Variants in RNLS observed in about 807,000 individuals in gnomAD.
The protein encoded by RNLS is renalase.
In RNLS, 39 loss-of-function variants were observed where a neutral mutation model predicts 39.8. The observed-to-expected ratio is 0.98, with a 90% CI of 0.76 to 1.28. The LOEUF is 1.28. Ranked by LOEUF, RNLS falls within the 50% of genes most tolerant of loss-of-function variation. RNLS has a pLI of 0.00. For missense variants in RNLS, 410 were observed against 413.3 expected (o/e 0.99, Z 0.07); for synonymous variants, 147 against 150.7 (o/e 0.98, Z 0.18).
At chr10:88,396,209 T>G (rs1485831272) in intron 4 of RNLS, among the ~76,000 whole-genome samples, 1 of 152,050 alleles carries the variant, frequency 6.6e-6, no homozygotes, top group East Asian at 1.9e-4. Flanking sequence ...ACAAATTTCT[T>G]TCTGTTTGTA....
At chr10:88,369,026 GCAAA>G (rs1413298727) in intron 4 of RNLS, among the ~76,000 whole-genome samples, 1 of 151,908 alleles carries the variant, frequency 6.6e-6, no homozygotes, top group Non-Finnish European at 1.5e-5. Flanking sequence ...TTTCTCTTTT[GCAAA>G]CAGTCTGTTC....
At chr10:88,200,991 C>CT in the RNLS span, among the ~76,000 whole-genome samples, 86,912 of 147,388 alleles carry the variant, frequency 0.59, 25,306 homozygotes, top group East Asian at 0.64. Flanking sequence ...AAAATGAATC[C>CT]TTTTTTTTTT....
chr10:88,482,487 A>C (rs943974945), intron 4 of RNLS, among the ~76,000 whole-genome samples: 1 of 152,058 alleles, frequency 6.6e-6, no homozygotes, highest in Non-Finnish European at 1.5e-5. Flanking sequence ...CAGAGTTTCC[A>C]TTTAATTCTT....
intron 4 of RNLS, among the ~76,000 whole-genome samples, chr10:88,551,865 G>A (rs1355156813): frequency 2.6e-5 from 4 of 152,052 alleles, no homozygotes; most frequent in Admixed American, 2.6e-4. Context: ...AGCACATAAT[G>A]GGTACTCATA....
At chr10:88,238,557 G>A in the RNLS span, among the ~76,000 whole-genome samples, 1 of 152,192 alleles carries the variant, frequency 6.6e-6, no homozygotes, top group Non-Finnish European at 1.5e-5. Flanking sequence ...GAATTACTTT[G>A]GTTTAGAAGG....
intron 4 of RNLS, among the ~76,000 whole-genome samples, chr10:88,394,576 A>C (rs984759146): frequency 2.6e-5 from 4 of 152,204 alleles, no homozygotes; most frequent in Non-Finnish European, 5.9e-5. Context: ...AGAAATAGGA[A>C]CACTTTTACA....
At chr10:88,387,914 A>G (rs1355177196) in intron 4 of RNLS, among the ~76,000 whole-genome samples, 1 of 152,184 alleles carries the variant, frequency 6.6e-6, no homozygotes, top group Non-Finnish European at 1.5e-5. Flanking sequence ...ACACACCTTG[A>G]AAACATAGAT....
intron 5 of RNLS, among the ~76,000 whole-genome samples, chr10:88,349,906 G>A (rs72820008): frequency 0.066 from 10,024 of 151,978 alleles, 466 homozygotes; most frequent in Admixed American, 0.12. Context: ...CAGATTTATA[G>A]GGAAAACATC....
intron 5 of RNLS, among the ~76,000 whole-genome samples, chr10:88,354,954 T>G (rs1417514799): frequency 6.6e-6 from 1 of 152,232 alleles, no homozygotes; most frequent in Non-Finnish European, 1.5e-5. Flanking sequence ...CTCGCTTCAT[T>G]TCATTCATCT....
chr10:88,510,498 T>C (rs1010493671), intron 4 of RNLS, among the ~76,000 whole-genome samples: 1 of 152,114 alleles, frequency 6.6e-6, no homozygotes, highest in African/African-American at 2.4e-5. Context: ...TAGCAATCAA[T>C]TTATGTAAGT....
At chr10:88,295,770 T>C (rs1426617) in intron 6 of RNLS, among the ~76,000 whole-genome samples, 22,467 of 152,178 alleles carry the variant, frequency 0.15, 1,806 homozygotes, top group East Asian at 0.34. Context: ...GTAGCAGCTT[T>C]AGTGGGCTCA....
intron 4 of RNLS, among the ~76,000 whole-genome samples, chr10:88,502,337 G>T (rs1257556897): frequency 7.1e-6 from 1 of 140,594 alleles, no homozygotes; most frequent in East Asian, 2.5e-4. Context: ...TGGGCGGGGG[G>T]GCGGGGTGGG....
At chr10:88,334,788 T>G (rs1343106621) in intron 5 of RNLS, among the ~76,000 whole-genome samples, 1 of 152,162 alleles carries the variant, frequency 6.6e-6, no homozygotes, top group African/African-American at 2.4e-5. Context: ...ATCATCTGAA[T>G]CTACCCACAG....
At chr10:88,324,786 C>T (rs978297308) in intron 5 of RNLS, among the ~76,000 whole-genome samples, 5 of 152,154 alleles carry the variant, frequency 3.3e-5, no homozygotes, top group African/African-American at 1.2e-4. Flanking sequence ...ACTCCATATC[C>T]CTTAAACAAT....
intron 4 of RNLS, among the ~76,000 whole-genome samples, chr10:88,467,136 G>A (rs1434210522): frequency 1.3e-5 from 2 of 152,008 alleles, no homozygotes; most frequent in African/African-American, 4.8e-5. Context: ...TCAAACCTCA[G>A]ACTCCATTAT....
At chr10:88,477,254 T>C (rs2134001924) in intron 4 of RNLS, among the ~76,000 whole-genome samples, 1 of 145,774 alleles carries the variant, frequency 6.9e-6, no homozygotes, top group African/African-American at 2.6e-5. Flanking sequence ...AGTGCTGATA[T>C]TCAGGACTTG....
intron 4 of RNLS, among the ~76,000 whole-genome samples, chr10:88,365,516 AACACACACACACACACACACAC>A (rs61386966): frequency 0.017 from 2,534 of 145,910 alleles, 96 homozygotes; most frequent in African/African-American, 0.06. Context: ...AGGATTATAT[AACACACACACACACACACACAC>A]ACACACACAC....
At chr10:88,245,932 A>G in the RNLS span, among the ~76,000 whole-genome samples, 3 of 152,162 alleles carry the variant, frequency 2.0e-5, no homozygotes, top group Non-Finnish European at 4.4e-5. Context: ...CATGCATCCC[A>G]ACCTAATTTC....
chr10:88,438,485 C>G (rs1841534993), intron 4 of RNLS, among the ~76,000 whole-genome samples: 1 of 152,118 alleles, frequency 6.6e-6, no homozygotes, highest in African/African-American at 2.4e-5. Flanking sequence ...TTTTTGACTG[C>G]CCAGCATTTG....
Sources: gnomAD v4.1 joint callset for allele counts (sites outside exome capture counted in the v4.1 genomes callset) on GRCh38, gnomAD v4.1.1 for gene constraint, MANE v1.5 for transcripts, NCBI Gene and HGNC (gene_info 2026-07-23, HGNC 2026-07-21) for gene names.